The following CTNNA3 variants were observed in gnomAD, a reference collection of about 807,000 sequenced individuals.
CTNNA3 encodes the protein catenin alpha-3.
CTNNA3 carries 76 observed loss-of-function variants against 95.7 expected under a neutral mutation model. That is an observed-to-expected ratio of 0.79 (90% CI 0.66 to 0.96). CTNNA3 has a LOEUF of 0.96. Among genes scored for constraint, CTNNA3 ranks in the 40% least tolerant of loss-of-function variants. CTNNA3 has a pLI of 0.00. For synonymous variants in CTNNA3, 431 were observed against 374.4 expected (o/e 1.15, Z -1.74); for missense variants, 1,191 against 1,089.8 (o/e 1.09, Z -1.31).
At chr10:66,100,499 A>T (rs2081579614) in intron 14 of CTNNA3, among the ~76,000 whole-genome samples, 2 of 152,148 alleles carry the variant, frequency 1.3e-5, no homozygotes, top group African/African-American at 4.8e-5. Context: ...GTGGTCAGGG[A>T]TCTATCTTGT....
intron 5 of CTNNA3, among the ~76,000 whole-genome samples, chr10:67,272,400 A>G (rs1839017045): frequency 6.6e-6 from 1 of 152,048 alleles, no homozygotes; most frequent in Non-Finnish European, 1.5e-5. Context: ...AAAAAATACA[A>G]AAATTAGCTG....
At chr10:66,236,735 C>T (rs2089871222) in intron 13 of CTNNA3, among the ~76,000 whole-genome samples, 1 of 152,064 alleles carries the variant, frequency 6.6e-6, no homozygotes, top group Admixed American at 6.6e-5. Context: ...ATCTTTCCAA[C>T]ATGCTTTTGT....
chr10:67,726,562 A>ATTAT (rs1841226040), intron 1 of CTNNA3, among the ~76,000 whole-genome samples: 1 of 71,300 alleles, frequency 1.4e-5, no homozygotes, highest in African/African-American at 6.4e-5. Context: ...ATATAATATA[A>ATTAT]TATATATTAC....
intron 1 of CTNNA3, among the ~76,000 whole-genome samples, chr10:67,737,918 G>T (rs932570666): frequency 1.3e-5 from 2 of 152,202 alleles, no homozygotes. Context: ...TATACCCAAA[G>T]GAGTATAAAT....
At chr10:66,800,600 A>G (rs1177688896) in intron 7 of CTNNA3, among the ~76,000 whole-genome samples, 1 of 151,278 alleles carries the variant, frequency 6.6e-6, no homozygotes, top group East Asian at 1.9e-4. Flanking sequence ...AATATTCCTA[A>G]TAAATTTGAA....
At chr10:67,630,847 T>C (rs952521297) in intron 2 of CTNNA3, among the ~76,000 whole-genome samples, 2 of 152,238 alleles carry the variant, frequency 1.3e-5, no homozygotes, top group African/African-American at 4.8e-5. Flanking sequence ...AAGAGTTTGT[T>C]ATTACTATTA....
intron 13 of CTNNA3, among the ~76,000 whole-genome samples, chr10:66,273,548 C>T (rs4746568): frequency 0.47 from 71,488 of 151,948 alleles, 18,296 homozygotes; most frequent in African/African-American, 0.69. Context: ...CAGAATACAG[C>T]TGATGAATTT....
In CTNNA3 at chr10:66,016,187, A is replaced by G. The variant is rs551230465; in HGVS notation, c.2160-27390T>C. 6.6e-5 allele frequency among the ~76,000 whole-genome samples: 10 copies of G among 152,312 alleles called. No individual in the cohort carries two copies. In the South Asian group the frequency reaches 2.1e-3, roughly 32 times the overall value. ...ACAAAGAGATAATAACCAGTTAATCAACTATTTAATAGCTCATTTATTGAG... is the reference window on the plus strand; with the variant it reads ...ACAAAGAGATAATAACCAGTTAATCGACTATTTAATAGCTCATTTATTGAG... On this transcript the variant is annotated intron_variant, in intron 15 of 17. Transcript: ENST00000433211.
rs565028603 is a variant in CTNNA3, at chr10:66,949,375, G to A, written c.1048-173851C>T. Among the ~76,000 whole-genome samples, 192 of 152,166 alleles carry A rather than the reference G, an allele frequency of 1.3e-3. 3 individuals carry two copies. The highest frequency in any genetic ancestry group is 1.2e-3 in the East Asian group (6 of 5,158). On this transcript the variant is annotated intron_variant, in intron 7 of 17. Coordinates refer to ENST00000433211, the MANE Select transcript of CTNNA3 (RefSeq NM_013266.4). ...AGTTGGAGACCAGCCTGACCAACAT[G>A]GAGAAACCCCGTCTCTACTAAAAAA...
At chr10:67,552,177 G>A (rs796453602) in intron 3 of CTNNA3, among the ~76,000 whole-genome samples, 7 of 152,252 alleles carry the variant, frequency 4.6e-5, no homozygotes, top group African/African-American at 1.7e-4. Context: ...GCACATTCAA[G>A]AATACAATAC....
intron 7 of CTNNA3, among the ~76,000 whole-genome samples, chr10:66,972,207 T>A (rs75993679): frequency 6.6e-6 from 1 of 152,230 alleles, no homozygotes; most frequent in African/African-American, 2.4e-5. Flanking sequence ...AACAAAGATT[T>A]CTTTCTCTCA....
At chr10:67,637,229 G>C (rs145495747) in intron 2 of CTNNA3, among the ~76,000 whole-genome samples, 1 of 152,218 alleles carries the variant, frequency 6.6e-6, no homozygotes, top group Non-Finnish European at 1.5e-5. Context: ...ACAAGCTTCG[G>C]CAGCTGATTC....
chr10:66,429,012 C>G (rs1039640268), intron 11 of CTNNA3, among the ~76,000 whole-genome samples: 1 of 151,622 alleles, frequency 6.6e-6, no homozygotes, highest in Non-Finnish European at 1.5e-5. Flanking sequence ...GCTAGCAAGA[C>G]TAATAAAGAA....
At chr10:67,693,163 A>T (rs1291805995) in intron 1 of CTNNA3, among the ~76,000 whole-genome samples, 1 of 152,234 alleles carries the variant, frequency 6.6e-6, no homozygotes, top group Non-Finnish European at 1.5e-5. Context: ...GGCAAAAATA[A>T]TGTGGTTAAA....
At chr10:66,284,871 T>C (rs982726115) in intron 12 of CTNNA3, among the ~76,000 whole-genome samples, 1 of 151,888 alleles carries the variant, frequency 6.6e-6, no homozygotes, top group African/African-American at 2.4e-5. Flanking sequence ...GAATTAATAA[T>C]ACTAGAAAGT....
intron 5 of CTNNA3, among the ~76,000 whole-genome samples, chr10:67,475,392 C>G (rs74142819): frequency 0.051 from 7,711 of 152,116 alleles, 592 homozygotes; most frequent in African/African-American, 0.16. Flanking sequence ...ATAAAACAAA[C>G]AGTTAATTTT....
chr10:66,846,496 CAA>C (rs58528957), intron 7 of CTNNA3, among the ~76,000 whole-genome samples: 2 of 136,014 alleles, frequency 1.5e-5, no homozygotes, highest in Admixed American at 1.5e-4. Flanking sequence ...CACACACACA[CAA>C]AATGAGGGGA....
chr10:67,626,838 A>C (rs376953958), intron 2 of CTNNA3, among the ~76,000 whole-genome samples: 1 of 152,208 alleles, frequency 6.6e-6, no homozygotes, highest in Non-Finnish European at 1.5e-5. Flanking sequence ...AAATTGACTT[A>C]AAAATAAATG....
At chr10:67,645,581 A>C (rs961750564) in intron 2 of CTNNA3, among the ~76,000 whole-genome samples, 2 of 152,092 alleles carry the variant, frequency 1.3e-5, no homozygotes, top group African/African-American at 4.8e-5. Flanking sequence ...GTCCCCAAAA[A>C]ACTTGGTGAT....
Sources: gnomAD v4.1 joint callset for allele counts (sites outside exome capture counted in the v4.1 genomes callset) on GRCh38, gnomAD v4.1.1 for gene constraint, MANE v1.5 for transcripts, NCBI Gene and HGNC (gene_info 2026-07-23, HGNC 2026-07-21) for gene names.